EED: variants seen among roughly 807,000 people sequenced by gnomAD.
EED encodes the protein polycomb protein EED.
EED carries 9 observed loss-of-function variants against 61.0 expected under a neutral mutation model. That is an observed-to-expected ratio of 0.15 (90% CI 0.09 to 0.26). EED has a LOEUF of 0.26. Among genes scored for constraint, EED ranks in the 10% least tolerant of loss-of-function variants. The pLI is 1.00. For missense variants in EED, 315 were observed against 542.3 expected (o/e 0.58, Z 4.16); for synonymous variants, 187 against 174.4 (o/e 1.07, Z -0.57).
At chr11:86,279,769 T>A (rs1253841509), downstream of EED, among the ~76,000 whole-genome samples, 1 of 152,248 alleles carries the variant, frequency 6.6e-6, no homozygotes, top group Non-Finnish European at 1.5e-5. Flanking sequence ...TCTCTGATAA[T>A]AGTATAATGC....
chr11:86,274,045 G>T (rs573884060), intron 9 of EED, among the ~76,000 whole-genome samples: 5 of 151,100 alleles, frequency 3.3e-5, no homozygotes, highest in South Asian at 2.1e-4. Flanking sequence ...CTCATTTTGG[G>T]ACTCTGATTA....
intron 6 of EED, among the ~76,000 whole-genome samples, chr11:86,262,631 C>T (rs1032679258): frequency 2.0e-5 from 3 of 152,122 alleles, no homozygotes; most frequent in African/African-American, 7.2e-5. Context: ...CCACTTCAGC[C>T]TCCCGAGTAG....
At position 86,247,810 on chromosome 11, in the gene EED, G is replaced by A. The variant is rs184727838; in HGVS notation, c.114+2467G>A. Among the ~76,000 whole-genome samples, 25 of 152,332 alleles carry A rather than the reference G, an allele frequency of 1.6e-4. No individual in the cohort carries two copies. The East Asian group carries it at 4.8e-3, about 29-fold the overall frequency. Reference sequence around the variant, plus strand: ...AAAAGGCCAAAGCAGATGGGGTGTGGGGGAATATGTTTTTGTGTTAGAGTT... The same window carrying A: ...AAAAGGCCAAAGCAGATGGGGTGTGAGGGAATATGTTTTTGTGTTAGAGTT... On this transcript the variant is annotated intron_variant, in intron 1 of 11. Transcript: ENST00000263360.
chr11:86,263,999 A>G (rs1593750251), intron 6 of EED, 173 bp from the exon 7 acceptor site: 1 of 572,010 alleles, frequency 1.7e-6, no homozygotes, highest in Non-Finnish European at 3.1e-6. Flanking sequence ...GCACTTACCT[A>G]GCTAATTCTA....
At chr11:86,277,857 C>G in intron 10 of EED, 61 bp from the exon 11 acceptor site, 1 of 1,457,158 alleles carries the variant, frequency 6.9e-7, no homozygotes, top group Non-Finnish European at 9.1e-7. Context: ...GAGGATTCCT[C>G]CAATGCTTTA....
chr11:86,256,634 C>A, intron 5 of EED, 122 bp downstream of exon 5: 1 of 1,013,872 alleles, frequency 9.9e-7, no homozygotes, highest in Non-Finnish European at 1.3e-6. Flanking sequence ...TTGTACTTTT[C>A]TTACTGCTCT....
intron 6 of EED, among the ~76,000 whole-genome samples, chr11:86,259,440 TAGTTAGGACTAC>T (rs1945770593): frequency 6.6e-6 from 1 of 152,046 alleles, no homozygotes; most frequent in Non-Finnish European, 1.5e-5. Flanking sequence ...ACCTACCAAG[TAGTTAGGACTAC>T]AGGCACGTGC....
chr11:86,279,773 A>C (rs1458402488), downstream of EED, among the ~76,000 whole-genome samples: 1 of 152,232 alleles, frequency 6.6e-6, no homozygotes, highest in Non-Finnish European at 1.5e-5. Flanking sequence ...TGATAATAGT[A>C]TAATGCTTAA....
Position 86,278,551 on chromosome 11 carries a change from A to G in EED, c.*26A>G. On this transcript the variant is annotated 3_prime_UTR_variant, in exon 12 of 12. Transcript: ENST00000263360. ...AATACTTTTGCCTAATCAAAATTAG[A>G]GTGTGTTTGTTGTCTGTGTAAAATA... is the stretch of plus-strand genomic sequence containing the variant. 1 of 1,610,852 alleles carries G rather than the reference A, an allele frequency of 6.2e-7. No individual in the cohort carries two copies. The highest frequency in any genetic ancestry group is 8.5e-7 in the Non-Finnish European group (1 of 1,178,396).
chr11:86,256,527 T>A lies in EED; in HGVS notation c.552+15T>A. On this transcript the variant is annotated intron_variant, in intron 5 of 11. Coordinates refer to ENST00000263360, the MANE Select transcript of EED (RefSeq NM_003797.5). ...AGTGTATAAAGGTGGGTTTTTCTGGTTAAATTGTAGATCTGCTTCTTTTGA... is the reference window on the plus strand; with the variant it reads ...AGTGTATAAAGGTGGGTTTTTCTGGATAAATTGTAGATCTGCTTCTTTTGA... 1 of 1,539,358 alleles carries A rather than the reference T, an allele frequency of 6.5e-7. No individual in the cohort carries two copies. Among genetic ancestry groups the A allele is most frequent in the Non-Finnish European group, 8.8e-7 (1 of 1,136,934 alleles).
intron 7 of EED, chr11:86,264,887 C>T (rs1945935493): frequency 6.6e-6 from 1 of 152,168 alleles, no homozygotes; most frequent in Admixed American, 6.5e-5. Flanking sequence ...AGTAATTTCA[C>T]ATCTCTTAGG....
intron 9 of EED, chr11:86,276,204 A>G (rs1946225044): frequency 6.6e-6 from 1 of 152,194 alleles, no homozygotes; most frequent in Non-Finnish European, 1.5e-5. Context: ...ACTGACCTAG[A>G]CAGTAATATG....
At chr11:86,272,220 G>A (rs901504884) in intron 9 of EED, among the ~76,000 whole-genome samples, 8 of 148,470 alleles carry the variant, frequency 5.4e-5, no homozygotes, top group African/African-American at 7.5e-5. Context: ...ACCACACCCG[G>A]CTAATTTTTT....
intron 8 of EED, among the ~76,000 whole-genome samples, chr11:86,267,187 A>G (rs1946001229): frequency 6.6e-6 from 1 of 152,208 alleles, no homozygotes; most frequent in Non-Finnish European, 1.5e-5. Flanking sequence ...TGGCCATACA[A>G]TTATAGTATG....
At chr11:86,256,336 A>T in intron 4 of EED, 51 bp from the exon 5 acceptor site, 1 of 1,450,898 alleles carries the variant, frequency 6.9e-7, no homozygotes, top group Non-Finnish European at 9.2e-7. Flanking sequence ...ATAATTATTG[A>T]CATGTTTCTT....
intron 3 of EED, among the ~76,000 whole-genome samples, chr11:86,254,484 C>T (rs1945618254): frequency 6.6e-6 from 1 of 151,600 alleles, no homozygotes; most frequent in Admixed American, 6.6e-5. Context: ...CCACACCCAC[C>T]TAATTTTTGT....
intron 9 of EED, 55 bp downstream of exon 9, chr11:86,268,616 T>TGTGTGTGTGC: frequency 8.2e-7 from 1 of 1,213,412 alleles, no homozygotes; most frequent in Non-Finnish European, 1.2e-6. Context: ...TGTGTGTGTG[T>TGTGTGTGTGC]GTGTGTGTGT....
At chr11:86,254,863 C>T (rs1009445349) in intron 3 of EED, among the ~76,000 whole-genome samples, 13 of 152,186 alleles carry the variant, frequency 8.5e-5, no homozygotes, top group African/African-American at 2.2e-4. Context: ...CCTCATGATC[C>T]GCATGCCTTG....
intron 7 of EED, chr11:86,265,286 G>T (rs756065938): frequency 6.6e-6 from 1 of 152,110 alleles, no homozygotes; most frequent in East Asian, 1.9e-4. Context: ...TAGTATCTAG[G>T]TTAGTAAGGA....
Sources: gnomAD v4.1 joint callset for allele counts (sites outside exome capture counted in the v4.1 genomes callset) on GRCh38, gnomAD v4.1.1 for gene constraint, MANE v1.5 for transcripts, NCBI Gene and HGNC (gene_info 2026-07-23, HGNC 2026-07-21) for gene names.